VPS13A: variants seen among roughly 807,000 people sequenced by gnomAD.
VPS13A encodes the protein vacuolar protein sorting 13 homolog A, also known as intermembrane lipid transfer protein VPS13A.
A neutral mutation model predicts 390.9 loss-of-function variants in VPS13A; 264 were observed. The ratio of observed to expected loss-of-function variants is 0.68; its 90% CI spans 0.61 to 0.75. The LOEUF (loss-of-function observed/expected upper bound fraction) is 0.75. Among genes scored for constraint, VPS13A ranks in the 30% least tolerant of loss-of-function variants. The pLI, the probability that VPS13A is intolerant of heterozygous loss-of-function variation, is 0.00. For synonymous variants in VPS13A, 1,231 were observed against 1,227.1 expected (o/e 1.00, Z -0.07); for missense variants, 3,409 against 3,733.9 (o/e 0.91, Z 2.27).
rs1012376744 is a variant in VPS13A at position 77,417,000 on chromosome 9, A to T, written c.*994A>T. The T allele has an allele frequency of 3.9e-5, 6 of 152,468 alleles. No individual in the cohort carries two copies. The highest frequency in any genetic ancestry group is 3.2e-3 in the Middle Eastern group (1 of 316). The allele number at this position is 152,468 out of a possible 1,614,324, so 9.4% of individuals were successfully genotyped here. On this transcript the variant is annotated 3_prime_UTR_variant, in exon 72 of 72. Coordinates refer to ENST00000360280, the MANE Select transcript of VPS13A (RefSeq NM_033305.3). ...GGTTTGCTTACTCTACAGTTATTCA[A>T]ATGAGAGTCACGCTTTTAAATTTAC...
intron 23 of VPS13A, among the ~76,000 whole-genome samples, chr9:77,261,063 A>AT (rs1005175793): frequency 7.3e-5 from 11 of 150,362 alleles, no homozygotes; most frequent in African/African-American, 1.2e-4. Flanking sequence ...ACGCCAGCTA[A>AT]TTTTTTTTTG....
At chr9:77,341,560 T>G (rs1178275390) in intron 50 of VPS13A, among the ~76,000 whole-genome samples, 1 of 152,042 alleles carries the variant, frequency 6.6e-6, no homozygotes, top group Non-Finnish European at 1.5e-5. Flanking sequence ...TTCTTCCGTT[T>G]TTTTCCATCT....
Position 77,365,441 on chromosome 9 carries a change from T to C in VPS13A, c.8212-19T>C. The stretch of plus-strand genomic sequence containing the variant: ...CAGGTAGGTCCCTTTAGTTTTAATA[T>C]TTTGTGTTCCTTTTATAGGTTGAGC... On this transcript the variant is annotated intron_variant, in intron 59 of 71. Coordinates refer to ENST00000360280, the MANE Select transcript of VPS13A (RefSeq NM_033305.3). 1 of 1,532,880 alleles carries C rather than the reference T, an allele frequency of 6.5e-7. No individual in the cohort carries two copies. Among genetic ancestry groups the C allele is most frequent in the African/African-American group, 1.4e-5 (1 of 73,198 alleles). 95.0% of individuals were successfully genotyped at this position (1,532,880 alleles called of 1,614,324 possible).
At chr9:77,243,042 T>A (rs1182672014) in intron 19 of VPS13A, among the ~76,000 whole-genome samples, 6 of 152,232 alleles carry the variant, frequency 3.9e-5, no homozygotes, top group African/African-American at 1.4e-4. Flanking sequence ...TCTAGAAAGT[T>A]AAAATTTACC....
intron 67 of VPS13A, among the ~76,000 whole-genome samples, chr9:77,374,322 AG>A (rs1475534707): frequency 6.6e-6 from 1 of 152,204 alleles, no homozygotes; most frequent in East Asian, 1.9e-4. Flanking sequence ...TAATAAAATA[AG>A]ACAATTATAA....
At chr9:77,305,152 A>T (rs1828657648) in intron 34 of VPS13A, among the ~76,000 whole-genome samples, 1 of 151,966 alleles carries the variant, frequency 6.6e-6, no homozygotes, top group Non-Finnish European at 1.5e-5. Context: ...GTTAGCCAGG[A>T]TGGTCTTGAT....
intron 60 of VPS13A, among the ~76,000 whole-genome samples, chr9:77,366,220 A>G (rs1832420818): frequency 6.6e-6 from 1 of 152,116 alleles, no homozygotes; most frequent in Non-Finnish European, 1.5e-5. Flanking sequence ...TGTCTTAAAC[A>G]TGCTCAAAAC....
chr9:77,187,605 A>G (rs1409903380), intron 1 of VPS13A, among the ~76,000 whole-genome samples: 1 of 121,300 alleles, frequency 8.2e-6, no homozygotes, highest in Non-Finnish European at 1.6e-5. Context: ...TTACATACAA[A>G]CATACACACA....
rs1587525258 is a variant in VPS13A at position 77,299,634 on chromosome 9, T to C, written c.3813-3281T>C. On this transcript the variant is annotated intron_variant, in intron 33 of 71. Transcript: ENST00000360280. ...AAAGACACATGCACACGTATGTTTA[T>C]TGCAATACTGTTCACAATAGCAAAT... Among the ~76,000 whole-genome samples the C allele has an allele frequency of 2.6e-5, 4 of 152,188 alleles. 1 individual carries two copies. In the South Asian group the frequency reaches 6.2e-4, roughly 24 times the overall value.
At chr9:77,252,949 A>C (rs1353316109) in intron 22 of VPS13A, among the ~76,000 whole-genome samples, 1 of 152,204 alleles carries the variant, frequency 6.6e-6, no homozygotes, top group Non-Finnish European at 1.5e-5. Flanking sequence ...TGCTGTGTAC[A>C]AATATCTGCT....
In VPS13A at chr9:77,318,183, G is replaced by A. The variant is rs78927657; in HGVS notation, c.4957-52G>A. On this transcript the variant is annotated intron_variant, in intron 40 of 71. Transcript: ENST00000360280. ...TAATATATATTTAATATTTCTTGAC[G>A]TAGTATGTTTGAAAGTGTTTTGTAT... 3.7e-3 allele frequency: 3,621 copies of A among 979,330 alleles called. 73 individuals are homozygous for A. In the African/African-American group the frequency reaches 0.047, roughly 13 times the overall value. 60.7% of individuals were successfully genotyped at this position (979,330 alleles called of 1,614,324 possible). A position where few individuals can be genotyped will look rare whatever the true frequency, so the allele number is the denominator to read the frequency against.
Position 77,209,409 on chromosome 9 carries a change from A to G in VPS13A, c.386-14A>G. 6.4e-7 allele frequency: 1 copy of G among 1,561,124 alleles called. No homozygotes were observed. On this transcript the variant is annotated splice_polypyrimidine_tract_variant and intron_variant, in intron 5 of 71. Coordinates refer to ENST00000360280, the MANE Select transcript of VPS13A (RefSeq NM_033305.3). ...TTTCATTCAATTTTAAAAAAGGAAT[A>G]TTTGCAATTGTAGAACAACATCTGC...
intron 59 of VPS13A, among the ~76,000 whole-genome samples, chr9:77,363,980 G>A (rs1277154054): frequency 6.6e-6 from 1 of 152,144 alleles, no homozygotes; most frequent in Non-Finnish European, 1.5e-5. Context: ...GGTGGGGTAA[G>A]AGGGGCAGTG....
Position 77,213,000 on chromosome 9 carries a change from A to G in VPS13A, c.587A>G (p.His196Arg), listed in dbSNP as rs750690177. The change falls in exon 8 of 72, where the codon CAT becomes CGT. Residue 196 changes from histidine to arginine, a missense_variant. Transcript: ENST00000360280. Reference protein sequence around the residue: ...TTDQYWVPCLHDETEKLVRKL... With the variant: ...TTDQYWVPCLRDETEKLVRKL... ...GATCAATACTGGGTTCCATGTTTAC[A>G]TGATGAAACTGAGAAACTGGTTCGT... 9 of 1,613,832 alleles carry G rather than the reference A, an allele frequency of 5.6e-6. 1 individual carries two copies. Among genetic ancestry groups the G allele is most frequent in the East Asian group, 4.5e-5 (2 of 44,838 alleles).
chr9:77,236,024 A>AT (rs1286606000), intron 17 of VPS13A, among the ~76,000 whole-genome samples: 1 of 152,110 alleles, frequency 6.6e-6, no homozygotes, highest in African/African-American at 2.4e-5. Flanking sequence ...GTGTTAGATG[A>AT]TTTTTCCCAA....
intron 53 of VPS13A, among the ~76,000 whole-genome samples, chr9:77,351,851 G>A (rs1341704456): frequency 5.9e-5 from 9 of 152,120 alleles, no homozygotes; most frequent in Non-Finnish European, 1.0e-4. Flanking sequence ...CCTGGCGACA[G>A]AGCAAGACTC....
chr9:77,289,784 CT>C (rs558593582), intron 31 of VPS13A, among the ~76,000 whole-genome samples: 138 of 141,588 alleles, frequency 9.7e-4, no homozygotes, highest in Middle Eastern at 3.7e-3. Context: ...TTTCTCATTT[CT>C]TTTTTTTTTT....
intron 67 of VPS13A, among the ~76,000 whole-genome samples, chr9:77,373,085 T>C (rs1237633458): frequency 1.3e-5 from 2 of 152,124 alleles, no homozygotes; most frequent in Non-Finnish European, 2.9e-5. Context: ...GATTCAGTGC[T>C]ATCCCCATCA....
At chr9:77,402,193 T>A (rs933969161) in intron 68 of VPS13A, among the ~76,000 whole-genome samples, 1 of 152,334 alleles carries the variant, frequency 6.6e-6, no homozygotes, top group East Asian at 1.9e-4. Flanking sequence ...TTTATAATCA[T>A]TGAAGTTAGG....
Sources: allele counts gnomAD v4.1 joint callset (sites outside exome capture counted in the v4.1 genomes callset), GRCh38; gene constraint gnomAD v4.1.1; transcripts MANE v1.5; gene names NCBI Gene and HGNC (gene_info 2026-07-23, HGNC 2026-07-21).